MAP2K4: variants seen among roughly 807,000 people sequenced by gnomAD.
MAP2K4 encodes mitogen-activated protein kinase kinase 4.
Under a neutral mutation model 48.5 loss-of-function variants are expected in MAP2K4, and 4 were observed. That is an observed-to-expected ratio of 0.08 (90% confidence interval 0.04 to 0.19). MAP2K4 has a LOEUF of 0.19. MAP2K4 is among the 10% of genes least tolerant of loss of function. The pLI is 1.00. For synonymous variants in MAP2K4, 166 were observed against 173.1 expected, an observed-to-expected ratio of 0.96 and a Z score of 0.32; for missense variants, 258 against 493.3, an observed-to-expected ratio of 0.52 and a Z score of 4.52.
At chr17:12,135,309 C>T (rs1376273129) in intron 9 of MAP2K4, among the ~76,000 whole-genome samples, 1 of 152,106 alleles carries the variant, frequency 6.6e-6, no homozygotes. Context: ...TTGGTCAGCT[C>T]TTGACCTCAG....
intron 2 of MAP2K4, chr17:12,069,785 A>C (rs1970727271): frequency 1.1e-6 from 1 of 875,760 alleles, no homozygotes; most frequent in Non-Finnish European, 1.6e-6. Context: ...AGGATGCATA[A>C]AGCAGTATTC....
At position 12,025,989 on chromosome 17, in the gene MAP2K4, A is replaced by G. The variant is rs117797250; in HGVS notation, c.115+4988A>G. 4.7e-3 allele frequency among the ~76,000 whole-genome samples: 713 copies of G among 152,306 alleles called. 4 individuals are homozygous for G. The highest frequency in any genetic ancestry group is 0.01 in the Middle Eastern group (3 of 294). On this transcript the variant is annotated intron_variant, in intron 1 of 10. Coordinates refer to ENST00000353533, the MANE Select transcript of MAP2K4 (RefSeq NM_003010.4). ...CTGCTTGCCCTTCCCAGTGTGTTGC[A>G]TAACATTTCTTTTACTGTTTAACAT...
intron 1 of MAP2K4, among the ~76,000 whole-genome samples, chr17:12,021,684 G>A (rs1048638780): frequency 6.6e-6 from 1 of 150,988 alleles, no homozygotes; most frequent in Admixed American, 6.6e-5. Context: ...GCCTGGGAGA[G>A]GCATTTTGTT....
At position 12,141,352 on chromosome 17, in the gene MAP2K4, GC is replaced by G; in HGVS notation, c.*95del. The G allele has an allele frequency of 2.3e-6, 2 of 871,496 alleles. No homozygotes were observed. The highest frequency in any genetic ancestry group is 3.9e-6 in the Non-Finnish European group (2 of 514,400). The allele number at this position is 871,496 out of a possible 1,614,324, so 54.0% of individuals were successfully genotyped here. On this transcript the variant is annotated 3_prime_UTR_variant, in exon 11 of 11. Transcript: ENST00000353533. Reference sequence around the variant, plus strand: ...CCGTATCACAGTGTTTTTATTGCTCGCCCAGACACCATGTGCAATAAGATTG... The same window carrying G: ...CCGTATCACAGTGTTTTTATTGCTCGCCAGACACCATGTGCAATAAGATTG...
At chr17:12,082,837 G>A (rs1567650461) in intron 3 of MAP2K4, among the ~76,000 whole-genome samples, 1 of 152,214 alleles carries the variant, frequency 6.6e-6, no homozygotes. Flanking sequence ...AGATGCACAG[G>A]TGAAGAACTC....
chr17:12,080,128 G>A (rs1971142613), intron 2 of MAP2K4, among the ~76,000 whole-genome samples: 1 of 152,216 alleles, frequency 6.6e-6, no homozygotes, highest in South Asian at 2.1e-4. Context: ...ATTATTCTCA[G>A]AGTGGGGGTA....
chr17:12,078,423 G>A lies in MAP2K4; in HGVS notation c.219-2933G>A, dbSNP rs557814395. 2.8e-3 allele frequency among the ~76,000 whole-genome samples: 431 copies of A among 152,276 alleles called. 2 individuals carry two copies. Among genetic ancestry groups the A allele is most frequent in the African/African-American group, 9.6e-3 (401 of 41,562 alleles). On this transcript the variant is annotated intron_variant, in intron 2 of 10. Transcript: ENST00000353533. Reference sequence around the variant, plus strand: ...CATGGTGTATATATTTATGGAGTATGTGAGATGTTTTGATATGGGCATGCA... The same window carrying A: ...CATGGTGTATATATTTATGGAGTATATGAGATGTTTTGATATGGGCATGCA...
chr17:12,135,848 C>T (rs1359540429), intron 9 of MAP2K4, among the ~76,000 whole-genome samples: 8 of 152,210 alleles, frequency 5.3e-5, no homozygotes, highest in Non-Finnish European at 1.2e-4. Flanking sequence ...TCGTGCCCCA[C>T]CTAAAGTCCC....
chr17:12,138,010 T>C lies in MAP2K4; in HGVS notation c.1041-1829T>C, dbSNP rs117608358. On this transcript the variant is annotated intron_variant, in intron 9 of 10. Transcript: ENST00000353533. ...GAGAAAACAGATTATCTGTTAAGGATTGATAATAAGACTAACAGCAGATTT... is the reference window on the plus strand; with the variant it reads ...GAGAAAACAGATTATCTGTTAAGGACTGATAATAAGACTAACAGCAGATTT... Among the ~76,000 whole-genome samples, 400 of 152,162 alleles carry C rather than the reference T, an allele frequency of 2.6e-3. 1 individual carries two copies. Among genetic ancestry groups the C allele is most frequent in the Non-Finnish European group, 4.3e-3 (295 of 67,970 alleles).
At chr17:12,117,036 A>G (rs1333243030) in intron 7 of MAP2K4, among the ~76,000 whole-genome samples, 1 of 152,170 alleles carries the variant, frequency 6.6e-6, no homozygotes. Flanking sequence ...ACCTTTGTAT[A>G]TGTGGTCTGT....
At chr17:12,076,585 A>G (rs912390167) in intron 2 of MAP2K4, among the ~76,000 whole-genome samples, 2 of 152,196 alleles carry the variant, frequency 1.3e-5, no homozygotes, top group Admixed American at 1.3e-4. Context: ...ATTGAGTTGT[A>G]CTTTTAATAA....
intron 1 of MAP2K4, among the ~76,000 whole-genome samples, chr17:12,028,227 G>A (rs930123083): frequency 1.3e-5 from 2 of 152,180 alleles, no homozygotes; most frequent in Non-Finnish European, 2.9e-5. Flanking sequence ...AATAAATAAG[G>A]TGGTCATTGC....
intron 2 of MAP2K4, among the ~76,000 whole-genome samples, chr17:12,068,736 AACAT>A (rs1425102198): frequency 6.6e-5 from 10 of 151,436 alleles, no homozygotes; most frequent in Admixed American, 4.6e-4. Flanking sequence ...GGGATATCAA[AACAT>A]ACATATATAT....
At chr17:12,115,929 T>C (rs1218154601) in intron 7 of MAP2K4, 1 of 513,380 alleles carries the variant, frequency 1.9e-6, no homozygotes, top group African/African-American at 1.9e-5. Flanking sequence ...GTAGTTCATC[T>C]TCTAACACCA....
At chr17:12,073,449 G>A (rs887671431) in intron 2 of MAP2K4, among the ~76,000 whole-genome samples, 1 of 152,192 alleles carries the variant, frequency 6.6e-6, no homozygotes, top group African/African-American at 2.4e-5. Flanking sequence ...AAATTGGAGA[G>A]AGGAGAATTT....
At chr17:12,083,454 C>T (rs1255605065) in intron 3 of MAP2K4, among the ~76,000 whole-genome samples, 1 of 152,198 alleles carries the variant, frequency 6.6e-6, no homozygotes, top group Non-Finnish European at 1.5e-5. Context: ...ATGAGACCTA[C>T]AAACTGGTTG....
intron 2 of MAP2K4, among the ~76,000 whole-genome samples, chr17:12,076,111 G>C (rs1035941135): frequency 6.6e-6 from 1 of 152,102 alleles, no homozygotes; most frequent in Non-Finnish European, 1.5e-5. Flanking sequence ...GGAGGATGTG[G>C]CTAGAGCTGT....
At chr17:12,120,505 T>A (rs1053256514) in intron 7 of MAP2K4, among the ~76,000 whole-genome samples, 1 of 149,696 alleles carries the variant, frequency 6.7e-6, no homozygotes, top group Non-Finnish European at 1.5e-5. Flanking sequence ...AAAAAAAGTT[T>A]TAAAGAAAAT....
Position 12,138,712 on chromosome 17 carries a change from G to A in MAP2K4, c.1041-1127G>A, listed in dbSNP as rs28921098. ...GCAGGCTTTTGAGACAGAGATAAGA[G>A]TGTAGGAAGTTGACTAGGTAGTGAT... On this transcript the variant is annotated intron_variant, in intron 9 of 10. Coordinates refer to ENST00000353533, the MANE Select transcript of MAP2K4 (RefSeq NM_003010.4). 5.4e-3 allele frequency among the ~76,000 whole-genome samples: 829 copies of A among 152,290 alleles called. 1 individual carries two copies. Among genetic ancestry groups the A allele is most frequent in the Middle Eastern group, 0.014 (4 of 294 alleles).
Sources: gnomAD v4.1 joint callset for allele counts (sites outside exome capture counted in the v4.1 genomes callset) on GRCh38, gnomAD v4.1.1 for gene constraint, MANE v1.5 for transcripts, NCBI Gene and HGNC (gene_info 2026-07-23, HGNC 2026-07-21) for gene names.